IGSF10: variants seen among roughly 807,000 people sequenced by gnomAD.
IGSF10 encodes the protein calvaria mechanical force protein 608.
Under a neutral mutation model 128.2 loss-of-function variants are expected in IGSF10, and 126 were observed. The observed-to-expected ratio is 0.98, with a 90% confidence interval of 0.85 to 1.14. The LOEUF (loss-of-function observed/expected upper bound fraction) is 1.14. Ranked by LOEUF, IGSF10 falls within the 50% of genes most tolerant of loss-of-function variation. The pLI is 0.00. For synonymous variants in IGSF10, 1,185 were observed against 1,146.2 expected, an observed-to-expected ratio of 1.03 and a Z score of -0.68; for missense variants, 3,295 against 3,149.8, an observed-to-expected ratio of 1.05 and a Z score of -1.10.
At chr3:151,444,259 A>T (rs1276377599) in intron 6 of IGSF10, among the ~76,000 whole-genome samples, 1 of 152,130 alleles carries the variant, frequency 6.6e-6, no homozygotes, top group Non-Finnish European at 1.5e-5. Flanking sequence ...AAAAAAAAAA[A>T]TTAGGACATC....
upstream of IGSF10, among the ~76,000 whole-genome samples, chr3:151,463,523 G>GTTTT (rs745415781): frequency 6.1e-3 from 191 of 31,250 alleles, 51 homozygotes; most frequent in African/African-American, 9.3e-3. Context: ...ACATTTTCTG[G>GTTTT]TTTTTTTTTT....
At chr3:151,491,853 C>T in the IGSF10 span, among the ~76,000 whole-genome samples, 2 of 152,128 alleles carry the variant, frequency 1.3e-5, no homozygotes, top group Admixed American at 1.3e-4. Flanking sequence ...AACAAAACTA[C>T]AGGCCAATAT....
the IGSF10 span, among the ~76,000 whole-genome samples, chr3:151,606,554 G>C: frequency 6.6e-6 from 1 of 152,282 alleles, no homozygotes; most frequent in East Asian, 1.9e-4. Flanking sequence ...TGACCAAAGG[G>C]CTGATCAGGT....
chr3:151,591,438 A>AAT, the IGSF10 span, among the ~76,000 whole-genome samples: 1 of 147,076 alleles, frequency 6.8e-6, no homozygotes, highest in Non-Finnish European at 1.5e-5. Flanking sequence ...AAAATATATA[A>AAT]ATATATATAT....
At position 151,446,727 on chromosome 3, in the gene IGSF10, G is replaced by A. The variant is rs376691301; in HGVS notation, c.3254C>T (p.Ala1085Val). The change falls in exon 6 of 8, where the codon GCT (alanine) becomes GTT (valine). Residue 1085 changes from alanine to valine, a missense_variant. Ala to Val is a moderately conservative substitution (Grantham distance 64, BLOSUM62 0). Coordinates refer to ENST00000282466, the MANE Select transcript of IGSF10 (RefSeq NM_178822.5). ...ATAALSFPSA[A>V]PITFPKADIA... ...GTCAGCTTTGGGGAAGGTGATGGGA[G>A]CAGCACTTGGAAAAGACAATGCTGC... The A allele has an allele frequency of 5.0e-6, 8 of 1,614,186 alleles. No homozygotes were observed. Among genetic ancestry groups the A allele is most frequent in the Admixed American group, 1.7e-5 (1 of 60,022 alleles).
At chr3:151,511,210 G>A in the IGSF10 span, among the ~76,000 whole-genome samples, 2 of 152,220 alleles carry the variant, frequency 1.3e-5, no homozygotes, top group African/African-American at 4.8e-5. Flanking sequence ...AGGGCAGCCA[G>A]AGAGAAAGGT....
At chr3:151,613,756 T>C in the IGSF10 span, among the ~76,000 whole-genome samples, 1 of 152,182 alleles carries the variant, frequency 6.6e-6, no homozygotes, top group Non-Finnish European at 1.5e-5. Flanking sequence ...ATTCAGGACA[T>C]AGGCATGGGC....
At chr3:151,477,447 T>A in the IGSF10 span, among the ~76,000 whole-genome samples, 1 of 152,226 alleles carries the variant, frequency 6.6e-6, no homozygotes, top group Non-Finnish European at 1.5e-5. Flanking sequence ...TCTTGGATTT[T>A]AAGGATTTAT....
the IGSF10 span, among the ~76,000 whole-genome samples, chr3:151,477,829 T>C: frequency 5.3e-5 from 8 of 152,240 alleles, no homozygotes; most frequent in Non-Finnish European, 1.2e-4. Context: ...ATATGTTCTC[T>C]TTCACAAGTC....
the IGSF10 span, among the ~76,000 whole-genome samples, chr3:151,580,168 A>T: frequency 5.3e-5 from 8 of 152,226 alleles, no homozygotes; most frequent in East Asian, 1.9e-4. Context: ...ATATAGCAAG[A>T]TCCAGTCTCT....
the IGSF10 span, among the ~76,000 whole-genome samples, chr3:151,556,036 G>C: frequency 3.2e-4 from 48 of 152,166 alleles, no homozygotes; most frequent in Non-Finnish European, 4.4e-5. Context: ...TTGTATATGA[G>C]CAGTGGGATG....
the IGSF10 span, among the ~76,000 whole-genome samples, chr3:151,586,600 G>T: frequency 6.6e-6 from 1 of 152,134 alleles, no homozygotes; most frequent in East Asian, 1.9e-4. Context: ...CATTGATTTG[G>T]GAAGTTTCTT....
At chr3:151,528,077 C>CT in the IGSF10 span, among the ~76,000 whole-genome samples, 4 of 152,180 alleles carry the variant, frequency 2.6e-5, no homozygotes, top group East Asian at 1.9e-4. Flanking sequence ...ACTCACAGTG[C>CT]TTTTTTTCCT....
At chr3:151,541,833 G>A in the IGSF10 span, among the ~76,000 whole-genome samples, 17,124 of 151,690 alleles carry the variant, frequency 0.11, 1,142 homozygotes, top group African/African-American at 0.19. Context: ...CCAATCAGCT[G>A]TGGAGAAAAT....
chr3:151,516,344 T>C, the IGSF10 span, among the ~76,000 whole-genome samples: 1 of 152,026 alleles, frequency 6.6e-6, no homozygotes, highest in African/African-American at 2.4e-5. Flanking sequence ...ACCCTTGTCT[T>C]TCAATTCCCC....
chr3:151,614,743 G>GCACA, the IGSF10 span, among the ~76,000 whole-genome samples: 29 of 152,122 alleles, frequency 1.9e-4, no homozygotes, highest in African/African-American at 7.0e-4. Context: ...AATGGGTGCA[G>GCACA]CACACCAACA....
chr3:151,587,208 C>T, the IGSF10 span, among the ~76,000 whole-genome samples: 2 of 152,124 alleles, frequency 1.3e-5, no homozygotes, highest in Non-Finnish European at 2.9e-5. Flanking sequence ...AAGCATGGTT[C>T]CTGCATTCAG....
the IGSF10 span, among the ~76,000 whole-genome samples, chr3:151,589,342 G>A: frequency 2.0e-5 from 3 of 152,290 alleles, no homozygotes; most frequent in African/African-American, 4.8e-5. Context: ...ATGAAGTTAG[G>A]TTTTATTTAA....
the IGSF10 span, among the ~76,000 whole-genome samples, chr3:151,535,471 G>T: frequency 1.3e-5 from 2 of 152,166 alleles, no homozygotes; most frequent in Non-Finnish European, 2.9e-5. Context: ...GGAAAAGGTT[G>T]AAAATCTAAC....
Sources: allele counts gnomAD v4.1 joint callset (sites outside exome capture counted in the v4.1 genomes callset), GRCh38; gene constraint gnomAD v4.1.1; transcripts MANE v1.5; gene names NCBI Gene and HGNC (gene_info 2026-07-23, HGNC 2026-07-21).